NTN1: variants seen among roughly 807,000 people sequenced by gnomAD.
NTN1 encodes the protein netrin 1, also known as netrin-1.
Under a neutral mutation model 54.2 loss-of-function variants are expected in NTN1, and 11 were observed. The observed-to-expected ratio is 0.20, with a 90% confidence interval of 0.13 to 0.34. The LOEUF is 0.34. Ranked by LOEUF, NTN1 falls within the 10% of genes least tolerant of loss-of-function variation. The pLI is 1.00. For synonymous variants in NTN1, 371 were observed against 382.0 expected (o/e 0.97, Z 0.33); for missense variants, 740 against 893.1 (o/e 0.83, Z 2.18).
intron 2 of NTN1, among the ~76,000 whole-genome samples, chr17:9,096,588 G>A (rs1360566355): frequency 6.6e-6 from 1 of 151,770 alleles, no homozygotes; most frequent in African/African-American, 2.4e-5. Context: ...AGCCAGGATG[G>A]TCTCCATCTC....
In NTN1 at chr17:9,064,702, G is replaced by T. The variant is rs145314756; in HGVS notation, c.1018+41311G>T. 2.6e-3 allele frequency among the ~76,000 whole-genome samples: 394 copies of T among 152,310 alleles called. 4 individuals carry two copies. Among genetic ancestry groups the T allele is most frequent in the Middle Eastern group, 0.01 (3 of 294 alleles). On this transcript the variant is annotated intron_variant, in intron 2 of 6. Coordinates refer to ENST00000173229, the MANE Select transcript of NTN1 (RefSeq NM_004822.3). ...ACCATCCCCCTGGATGGCTCTGGTA[G>T]TTCCTTCCTTGGTTTCCTGCTTCCA...
chr17:9,133,899 CTTTTTT>C (rs71361867), intron 2 of NTN1, among the ~76,000 whole-genome samples: 1 of 85,456 alleles, frequency 1.2e-5, no homozygotes, highest in South Asian at 4.3e-4. Context: ...TGGGCCTAGC[CTTTTTT>C]TTTTTTTTTT....
intron 2 of NTN1, among the ~76,000 whole-genome samples, chr17:9,028,283 TAG>T (rs766755695): frequency 6.6e-6 from 1 of 152,230 alleles, no homozygotes; most frequent in Non-Finnish European, 1.5e-5. Context: ...GTGGTGCCGC[TAG>T]GTACAGTTGA....
intron 3 of NTN1, chr17:9,172,975 G>A (rs1320211552): frequency 6.6e-6 from 1 of 150,634 alleles, no homozygotes; most frequent in East Asian, 1.9e-4. Context: ...CAAAAAAAGT[G>A]AATTTTACTC....
chr17:9,008,918 G>A, the NTN1 span, among the ~76,000 whole-genome samples: 1 of 152,168 alleles, frequency 6.6e-6, no homozygotes, highest in East Asian at 1.9e-4. Context: ...GTGGATGCCT[G>A]TAGTCCCAGC....
At chr17:9,040,579 T>C (rs1361616174) in intron 2 of NTN1, among the ~76,000 whole-genome samples, 1 of 152,226 alleles carries the variant, frequency 6.6e-6, no homozygotes, top group Non-Finnish European at 1.5e-5. Context: ...ACTTGTACTA[T>C]TTATTTTTCT....
chr17:9,024,098 G>C (rs2091862533), intron 2 of NTN1, among the ~76,000 whole-genome samples: 1 of 152,140 alleles, frequency 6.6e-6, no homozygotes. Context: ...TTAGCTTCAG[G>C]CTTTGGTGAA....
chr17:9,146,403 T>C (rs1359371403), intron 2 of NTN1, among the ~76,000 whole-genome samples: 1 of 152,170 alleles, frequency 6.6e-6, no homozygotes, highest in Non-Finnish European at 1.5e-5. Context: ...TGCATTTTCT[T>C]TCTTAGAGCT....
intron 3 of NTN1, among the ~76,000 whole-genome samples, chr17:9,168,292 G>A (rs2142304424): frequency 6.6e-6 from 1 of 152,322 alleles, no homozygotes; most frequent in African/African-American, 2.4e-5. Flanking sequence ...CAACACTTTG[G>A]GAGGCCACGG....
In NTN1 at chr17:9,033,592, C is replaced by T. The variant is rs537870128; in HGVS notation, c.1018+10201C>T. ...TTTGAGATCAGACTGGGCAGCATAG[C>T]GAGACTGCCGTCTCTACAAAAATAA... On this transcript the variant is annotated intron_variant, in intron 2 of 6. Coordinates refer to ENST00000173229, the MANE Select transcript of NTN1 (RefSeq NM_004822.3). 8.4e-4 allele frequency among the ~76,000 whole-genome samples: 123 copies of T among 146,464 alleles called. 1 individual carries two copies. Among genetic ancestry groups the T allele is most frequent in the African/African-American group, 2.4e-3 (94 of 39,252 alleles).
chr17:9,182,408 T>C (rs2092421134), intron 4 of NTN1, among the ~76,000 whole-genome samples: 1 of 152,262 alleles, frequency 6.6e-6, no homozygotes, highest in African/African-American at 2.4e-5. Context: ...TGTGAGGCTG[T>C]AGGAACCTGG....
chr17:9,242,397 G>C lies in NTN1; in HGVS notation c.*2429G>C, dbSNP rs1306633513. The C allele has an allele frequency of 6.6e-6, 1 of 152,276 alleles. No individual in the cohort carries two copies. Among genetic ancestry groups the C allele is most frequent in the Non-Finnish European group, 1.5e-5 (1 of 68,076 alleles). The allele number at this position is 152,276 out of a possible 1,614,324, so 9.4% of individuals were successfully genotyped here. ...CATCACAAGGCACTACGCTGCTGGG[G>C]CGGTTGTCCTATTTCTGTCTATGCC... On this transcript the variant is annotated 3_prime_UTR_variant, in exon 7 of 7. Coordinates refer to ENST00000173229, the MANE Select transcript of NTN1 (RefSeq NM_004822.3).
rs1597460969 is a variant in NTN1 at position 9,023,060 on chromosome 17, G to T, written c.687G>T (p.Ala229=). The change falls in exon 2 of 7, where the codon GCG becomes GCT. Residue 229 remains alanine (A), a synonymous_variant. Transcript: ENST00000173229. ...GCACGCTGGACGGGCGGCCCTCGGC[G>T]CACGACTTCGACAACTCGCCCGTGC... The part of the protein sequence containing the change: ...AFSTLDGRPS[A]HDFDNSPVLQ... 9 of 1,580,004 alleles carry T rather than the reference G, an allele frequency of 5.7e-6. No individual in the cohort carries two copies. The highest frequency in any genetic ancestry group is 6.9e-6 in the Non-Finnish European group (8 of 1,164,804).
At chr17:9,083,711 G>A (rs1037406553) in intron 2 of NTN1, among the ~76,000 whole-genome samples, 3 of 152,182 alleles carry the variant, frequency 2.0e-5, no homozygotes, top group South Asian at 2.1e-4. Context: ...TTGAGACCAC[G>A]AAGGCATAGA....
chr17:9,143,161 G>C (rs1012010091), intron 2 of NTN1, among the ~76,000 whole-genome samples: 4 of 152,212 alleles, frequency 2.6e-5, no homozygotes, highest in Admixed American at 2.6e-4. Flanking sequence ...CAGAAGGGCT[G>C]TCTGTCTGGA....
chr17:9,130,761 AC>A (rs2092262147), intron 2 of NTN1, among the ~76,000 whole-genome samples: 1 of 151,988 alleles, frequency 6.6e-6, no homozygotes, highest in African/African-American at 2.4e-5. Flanking sequence ...TCATTACCCT[AC>A]CCTGATTCAG....
At position 9,225,254 on chromosome 17, in the gene NTN1, C is replaced by CA. The variant is rs890304311; in HGVS notation, c.1486+4023dup. 4.0e-3 allele frequency among the ~76,000 whole-genome samples: 539 copies of CA among 133,942 alleles called. 1 individual carries two copies. Among genetic ancestry groups the CA allele is most frequent in the African/African-American group, 0.014 (465 of 34,016 alleles). The allele number at this position is 133,942 out of a possible 152,430, so 87.9% of individuals were successfully genotyped here. On this transcript the variant is annotated intron_variant, in intron 6 of 6. Transcript: ENST00000173229. ...TGAGCAACAGAGTGAGACTCTGTCTCAAAAAAAAAAATAAATAAAAAGTTG... is the reference window on the plus strand; with the variant it reads ...TGAGCAACAGAGTGAGACTCTGTCTCAAAAAAAAAAAATAAATAAAAAGTTG...
At chr17:9,162,295 C>T (rs1241494906) in intron 2 of NTN1, among the ~76,000 whole-genome samples, 2 of 152,198 alleles carry the variant, frequency 1.3e-5, no homozygotes, top group Admixed American at 6.5e-5. Flanking sequence ...GGCTGAAACG[C>T]TAGACGTTTA....
chr17:9,119,280 C>T (rs1408043183), intron 2 of NTN1, among the ~76,000 whole-genome samples: 6 of 151,904 alleles, frequency 3.9e-5, no homozygotes, highest in East Asian at 1.9e-4. Flanking sequence ...CTCTGCCTCC[C>T]GGGTTCAAGC....
Sources: allele counts gnomAD v4.1 joint callset (sites outside exome capture counted in the v4.1 genomes callset), GRCh38; gene constraint gnomAD v4.1.1; transcripts MANE v1.5; gene names NCBI Gene and HGNC (gene_info 2026-07-23, HGNC 2026-07-21).